Variants in FHOD3 observed in about 807,000 individuals in gnomAD.
FHOD3 encodes formin homology 2 domain containing 3.
In FHOD3, 90 loss-of-function variants were observed where a neutral mutation model predicts 173.0. The observed-to-expected ratio is 0.52, with a 90% confidence interval of 0.44 to 0.62. The LOEUF is 0.62. FHOD3 is among the 20% of genes least tolerant of loss of function. The probability of loss-of-function intolerance (pLI) is 0.00; values close to 1 mark genes in which losing one functional copy is unlikely to be tolerated. For missense variants in FHOD3, 1,945 were observed against 2,034.7 expected (o/e 0.96, Z 0.85); for synonymous variants, 828 against 823.0 (o/e 1.01, Z -0.10).
intron 1 of FHOD3, among the ~76,000 whole-genome samples, chr18:36,313,050 G>C (rs1390593570): frequency 6.6e-6 from 1 of 152,088 alleles, no homozygotes; most frequent in Non-Finnish European, 1.5e-5. Flanking sequence ...ATATGTCAAT[G>C]GTCTCTCCCC....
At chr18:36,741,698 G>A (rs1006794620) in intron 21 of FHOD3, among the ~76,000 whole-genome samples, 5 of 152,026 alleles carry the variant, frequency 3.3e-5, no homozygotes, top group African/African-American at 1.2e-4. Flanking sequence ...TTGGGGCCAG[G>A]AGTTCAAGGC....
At chr18:36,371,571 G>A (rs2047188687) in intron 2 of FHOD3, among the ~76,000 whole-genome samples, 1 of 152,196 alleles carries the variant, frequency 6.6e-6, no homozygotes, top group South Asian at 2.1e-4. Context: ...TGATATTTGG[G>A]TGGAGACACA....
At chr18:36,687,101 T>C in intron 15 of FHOD3, 27 bp from the exon 16 acceptor site, 1 of 1,565,340 alleles carries the variant, frequency 6.4e-7, no homozygotes, top group African/African-American at 1.4e-5. Flanking sequence ...TCTTTTCCTG[T>C]TTGTTTGTTC....
intron 1 of FHOD3, among the ~76,000 whole-genome samples, chr18:36,350,290 G>A (rs1000802449): frequency 3.3e-5 from 5 of 152,126 alleles, no homozygotes; most frequent in African/African-American, 7.2e-5. Flanking sequence ...CTGGCTGCCC[G>A]CTGAACACCC....
chr18:36,717,723 C>T, intron 18 of FHOD3, 109 bp from the exon 19 acceptor site: 1 of 1,469,986 alleles, frequency 6.8e-7, no homozygotes, highest in Non-Finnish European at 9.0e-7. Context: ...CATGCAGTGT[C>T]TTCTCTGAAG....
chr18:36,558,359 T>C (rs1370546653), intron 5 of FHOD3, among the ~76,000 whole-genome samples: 2 of 152,198 alleles, frequency 1.3e-5, no homozygotes, highest in Admixed American at 6.5e-5. Flanking sequence ...ATATAGTCTG[T>C]TATTGCTTGC....
chr18:36,368,913 C>G (rs550772501), intron 2 of FHOD3, among the ~76,000 whole-genome samples: 5 of 152,144 alleles, frequency 3.3e-5, no homozygotes, highest in African/African-American at 1.2e-4. Flanking sequence ...CCAGGTCCCT[C>G]CCTCACACCT....
rs758768699 is a variant in FHOD3 at position 36,355,585 on chromosome 18, A to C, written c.212A>C (p.Asp71Ala). 1.2e-6 allele frequency: 2 copies of C among 1,613,986 alleles called. No individual in the cohort carries two copies. Residue 71 changes from aspartate (D) to alanine (A), a missense_variant, in exon 2 of 29, where the codon GAT becomes GCT. Transcript: ENST00000590592. ...CTCTCTCACAATGGCGCCTACCTGGATTTGGAGGCCACCCTGGCAGAGCAG... is the reference window on the plus strand; with the variant it reads ...CTCTCTCACAATGGCGCCTACCTGGCTTTGGAGGCCACCCTGGCAGAGCAG... The part of the protein sequence containing the change: ...LQLSHNGAYL[D>A]LEATLAEQRD...
chr18:36,606,379 G>A (rs1389546630), intron 8 of FHOD3, among the ~76,000 whole-genome samples: 2 of 152,068 alleles, frequency 1.3e-5, no homozygotes, highest in African/African-American at 4.8e-5. Flanking sequence ...GGGGAAGAGA[G>A]GAGAAGGGGG....
chr18:36,762,552 T>G (rs2042925516), intron 27 of FHOD3, among the ~76,000 whole-genome samples: 2 of 152,170 alleles, frequency 1.3e-5, no homozygotes, highest in African/African-American at 4.8e-5. Context: ...ATCCCAGCAC[T>G]TTGGGAGGCC....
At chr18:36,606,861 A>T (rs2032134611) in intron 8 of FHOD3, among the ~76,000 whole-genome samples, 1 of 152,222 alleles carries the variant, frequency 6.6e-6, no homozygotes, top group Admixed American at 6.5e-5. Flanking sequence ...CAAGAGAGGA[A>T]AAAACAATAT....
At chr18:36,477,890 G>A (rs979472138) in intron 3 of FHOD3, among the ~76,000 whole-genome samples, 12 of 152,188 alleles carry the variant, frequency 7.9e-5, no homozygotes, top group Admixed American at 2.6e-4. Context: ...GATGGTCAGG[G>A]AAGACGAAGA....
At chr18:36,486,585 A>G (rs565136446) in intron 3 of FHOD3, among the ~76,000 whole-genome samples, 6 of 152,344 alleles carry the variant, frequency 3.9e-5, no homozygotes, top group African/African-American at 1.4e-4. Context: ...GGTATTATCT[A>G]GAAAGGAAAC....
chr18:36,315,941 G>C (rs2044095745), intron 1 of FHOD3, among the ~76,000 whole-genome samples: 1 of 152,100 alleles, frequency 6.6e-6, no homozygotes, highest in Non-Finnish European at 1.5e-5. Context: ...TCTGCCCGCT[G>C]CTGCCACTGC....
At chr18:36,511,390 T>C (rs2055640480) in intron 4 of FHOD3, among the ~76,000 whole-genome samples, 1 of 149,806 alleles carries the variant, frequency 6.7e-6, no homozygotes, top group Non-Finnish European at 1.5e-5. Flanking sequence ...TTTTTGCCAC[T>C]CCTGAGTCTT....
intron 21 of FHOD3, 82 bp downstream of exon 21, chr18:36,740,920 A>T: frequency 1.1e-5 from 14 of 1,310,586 alleles, no homozygotes; most frequent in South Asian, 8.3e-5. Flanking sequence ...GTACTAAGGC[A>T]GTGAAATATC....
chr18:36,463,388 AAAT>A (rs1475234986), intron 3 of FHOD3, among the ~76,000 whole-genome samples: 57 of 172 alleles, frequency 0.33, no homozygotes, highest in African/African-American at 0.47. Context: ...TTATTTAAAA[AAAT>A]AATATATATT....
chr18:36,491,975 A>G (rs79291817), intron 3 of FHOD3, among the ~76,000 whole-genome samples: 1 of 152,284 alleles, frequency 6.6e-6, no homozygotes, highest in East Asian at 1.9e-4. Flanking sequence ...CCAAATAAAC[A>G]TGGTAGAGTA....
intron 10 of FHOD3, among the ~76,000 whole-genome samples, chr18:36,639,291 C>G (rs111278976): frequency 2.0e-5 from 3 of 152,322 alleles, no homozygotes; most frequent in African/African-American, 7.2e-5. Context: ...CCTGTAATCC[C>G]AGCACTTTGG....
Sources: gnomAD v4.1 joint callset for allele counts (sites outside exome capture counted in the v4.1 genomes callset) on GRCh38, gnomAD v4.1.1 for gene constraint, MANE v1.5 for transcripts, NCBI Gene and HGNC (gene_info 2026-07-23, HGNC 2026-07-21) for gene names.